MATN2: variants seen among roughly 807,000 people sequenced by gnomAD.
MATN2 encodes matrilin 2.
Under a neutral mutation model 103.2 loss-of-function variants are expected in MATN2, and 69 were observed. That is an observed-to-expected ratio of 0.67 (90% CI 0.55 to 0.82). The LOEUF (loss-of-function observed/expected upper bound fraction) is 0.82, where lower values mean the gene tolerates loss of function less well. MATN2 is among the 40% of genes least tolerant of loss of function. The pLI, the probability that MATN2 is intolerant of heterozygous loss-of-function variation, is 0.00. For missense variants in MATN2, 1,023 were observed against 1,211.5 expected, an observed-to-expected ratio of 0.84 and a Z score of 2.31; for synonymous variants, 429 against 450.2, an observed-to-expected ratio of 0.95 and a Z score of 0.60.
At chr8:97,944,207 G>A (rs897352258) in intron 4 of MATN2, among the ~76,000 whole-genome samples, 1 of 152,200 alleles carries the variant, frequency 6.6e-6, no homozygotes, top group African/African-American at 2.4e-5. Flanking sequence ...GGGCTCACCC[G>A]CAGAGATGCA....
chr8:97,971,971 A>G (rs2008779), intron 5 of MATN2, among the ~76,000 whole-genome samples: 77,736 of 151,092 alleles, frequency 0.51, 22,693 homozygotes, highest in Middle Eastern at 0.69. Flanking sequence ...CAAGGCGGGC[A>G]GATCTCTTGA....
At chr8:97,878,667 T>C (rs1282750096) in intron 1 of MATN2, among the ~76,000 whole-genome samples, 1 of 151,870 alleles carries the variant, frequency 6.6e-6, no homozygotes, top group Non-Finnish European at 1.5e-5. Flanking sequence ...CTAGCCAACG[T>C]GGTGAAACCC....
At chr8:97,983,643 C>T (rs185613940) in intron 6 of MATN2, among the ~76,000 whole-genome samples, 1 of 152,280 alleles carries the variant, frequency 6.6e-6, no homozygotes, top group East Asian at 1.9e-4. Flanking sequence ...CCATCTTTTG[C>T]ATGTTGCCAT....
chr8:97,958,593 A>G (rs1355881753), intron 4 of MATN2, among the ~76,000 whole-genome samples: 1 of 152,242 alleles, frequency 6.6e-6, no homozygotes, highest in Non-Finnish European at 1.5e-5. Context: ...TAATTTTCTC[A>G]TCACCATTCA....
At chr8:97,945,774 A>G (rs563527329) in intron 4 of MATN2, among the ~76,000 whole-genome samples, 1 of 150,306 alleles carries the variant, frequency 6.7e-6, no homozygotes, top group South Asian at 2.1e-4. Context: ...TTGTGTGGAG[A>G]GGGAAAGCAG....
intron 4 of MATN2, among the ~76,000 whole-genome samples, chr8:97,947,909 G>C (rs192935469): frequency 6.6e-6 from 1 of 152,216 alleles, no homozygotes; most frequent in Non-Finnish European, 1.5e-5. Context: ...TACAGAGTTG[G>C]GTTCCTGAGA....
intron 5 of MATN2, among the ~76,000 whole-genome samples, chr8:97,967,181 A>T (rs537021289): frequency 1.3e-5 from 2 of 152,118 alleles, no homozygotes; most frequent in South Asian, 4.2e-4. Flanking sequence ...ATGATCCAAT[A>T]CCTCCCACTA....
chr8:98,033,332 A>C lies in MATN2; in HGVS notation c.2716+156A>C, dbSNP rs117073818. ...TTAAGTAAAATGAGAACTAAAACAT[A>C]AACTAAAAGAAACTCAAGTAGTGTT... On this transcript the variant is annotated intron_variant, in intron 17 of 18. Transcript: ENST00000254898. Among the ~76,000 whole-genome samples, 755 of 152,362 alleles carry C rather than the reference A, an allele frequency of 5.0e-3. 5 individuals are homozygous for C. The highest frequency in any genetic ancestry group is 0.011 in the Admixed American group (164 of 15,306).
At chr8:97,944,545 G>A (rs970202206) in intron 4 of MATN2, among the ~76,000 whole-genome samples, 1 of 152,168 alleles carries the variant, frequency 6.6e-6, no homozygotes, top group Non-Finnish European at 1.5e-5. Flanking sequence ...GCTTGAACCC[G>A]ACCTTATCAC....
At chr8:97,943,416 T>TCTCCTTCTCCTTCTCCTTCTCCTC (rs1810639362) in intron 4 of MATN2, among the ~76,000 whole-genome samples, 1 of 150,656 alleles carries the variant, frequency 6.6e-6, no homozygotes, top group Non-Finnish European at 1.5e-5. Flanking sequence ...TCCTTCTCCT[T>TCTCCTTCTCCTTCTCCTTCTCCTC]CTCCTTCTCC....
intron 2 of MATN2, among the ~76,000 whole-genome samples, chr8:97,893,210 G>A (rs1248147969): frequency 2.0e-5 from 3 of 152,152 alleles, no homozygotes; most frequent in Non-Finnish European, 4.4e-5. Flanking sequence ...GAGAAGGAAC[G>A]AGCACCTGCT....
intron 6 of MATN2, among the ~76,000 whole-genome samples, chr8:97,980,533 G>T (rs1426418482): frequency 6.7e-6 from 1 of 148,218 alleles, no homozygotes; most frequent in African/African-American, 2.5e-5. Context: ...TGATAATGCT[G>T]CCTACTGCAT....
chr8:97,923,722 A>G (rs978414182), intron 2 of MATN2, among the ~76,000 whole-genome samples: 4 of 152,062 alleles, frequency 2.6e-5, no homozygotes, highest in African/African-American at 9.7e-5. Flanking sequence ...ACGGCCGGCT[A>G]ATATTTGTAT....
intron 1 of MATN2, among the ~76,000 whole-genome samples, chr8:97,880,083 CTTTTT>C (rs5893432): frequency 1.1e-4 from 12 of 108,664 alleles, no homozygotes; most frequent in African/African-American, 1.4e-4. Context: ...ATCTTTCTTT[CTTTTT>C]TTTTTTTTTT....
intron 4 of MATN2, among the ~76,000 whole-genome samples, chr8:97,942,734 G>A (rs1471732745): frequency 1.3e-5 from 2 of 152,198 alleles, no homozygotes; most frequent in African/African-American, 4.8e-5. Context: ...TTGTTGCAAT[G>A]TATAATTGTT....
chr8:97,905,107 A>G lies in MATN2; in HGVS notation c.142+16865A>G, dbSNP rs528679056. 2.6e-5 allele frequency among the ~76,000 whole-genome samples: 4 copies of G among 152,352 alleles called. No individual in the cohort carries two copies. In the East Asian group the frequency reaches 5.8e-4, roughly 22 times the overall value. On this transcript the variant is annotated intron_variant, in intron 2 of 18. Transcript: ENST00000254898. ...AGTAGACCCGCCTCTTGATCTTGAC[A>G]TGTTGTTTTTAAAAGTACATGTTAC... is the stretch of plus-strand genomic sequence containing the variant.
At chr8:97,944,601 T>C (rs543024674) in intron 4 of MATN2, among the ~76,000 whole-genome samples, 1 of 152,352 alleles carries the variant, frequency 6.6e-6, no homozygotes, top group African/African-American at 2.4e-5. Flanking sequence ...TTTAAACTTC[T>C]TGACTCTCAG....
chr8:97,894,332 T>C (rs1176674951), intron 2 of MATN2, among the ~76,000 whole-genome samples: 2 of 148,410 alleles, frequency 1.3e-5, no homozygotes, highest in South Asian at 2.2e-4. Flanking sequence ...CCTTTTTTTT[T>C]TTTTTTTTTT....
At chr8:97,917,566 C>G (rs1279658450) in intron 2 of MATN2, among the ~76,000 whole-genome samples, 1 of 152,184 alleles carries the variant, frequency 6.6e-6, no homozygotes, top group Non-Finnish European at 1.5e-5. Context: ...ACTGCACCCG[C>G]TCTGGCAGGA....
Sources: allele counts gnomAD v4.1 joint callset (sites outside exome capture counted in the v4.1 genomes callset), GRCh38; gene constraint gnomAD v4.1.1; transcripts MANE v1.5; gene names NCBI Gene and HGNC (gene_info 2026-07-23, HGNC 2026-07-21).